Variants in PLCZ1 observed in about 807,000 individuals in gnomAD.
PLCZ1 encodes 1-phosphatidylinositol 4,5-bisphosphate phosphodiesterase zeta-1.
Under a neutral mutation model 76.8 loss-of-function variants are expected in PLCZ1, and 64 were observed. The ratio of observed to expected loss-of-function variants is 0.83; its 90% CI spans 0.68 to 1.03. The LOEUF (loss-of-function observed/expected upper bound fraction) is 1.03. PLCZ1 is among the 50% of genes least tolerant of loss of function. The pLI is 0.00. For synonymous variants in PLCZ1, 248 were observed against 230.8 expected (o/e 1.07, Z -0.68); for missense variants, 751 against 713.7 (o/e 1.05, Z -0.60).
intron 10 of PLCZ1, among the ~76,000 whole-genome samples, chr12:18,699,564 C>T (rs77905172): frequency 6.6e-6 from 1 of 152,012 alleles, no homozygotes; most frequent in African/African-American, 2.4e-5. Context: ...GTGGCCACAT[C>T]GGACATTCTC....
At chr12:18,678,196 TAG>T (rs1422553643), downstream of PLCZ1, among the ~76,000 whole-genome samples, 2 of 152,060 alleles carry the variant, frequency 1.3e-5, no homozygotes, top group African/African-American at 4.8e-5. Flanking sequence ...CTGATCCAAT[TAG>T]AGGTCTGGCT....
chr12:18,720,125 C>T (rs1958354323), intron 4 of PLCZ1, among the ~76,000 whole-genome samples: 1 of 151,960 alleles, frequency 6.6e-6, no homozygotes, highest in South Asian at 2.1e-4. Context: ...TTTTTTGTAC[C>T]TGGTTTCTTT....
chr12:18,734,453 C>A (rs1359103697), intron 3 of PLCZ1, among the ~76,000 whole-genome samples: 1 of 152,096 alleles, frequency 6.6e-6, no homozygotes, highest in East Asian at 1.9e-4. Flanking sequence ...CAGGTTCAAG[C>A]AATTCTCGTG....
chr12:18,719,635 A>G lies in PLCZ1; in HGVS notation c.368-3T>C. ...TGACATTTGGTGTGCTTTCCTAACT[A>G]AAAAAATAAAATAAAATAAGTTAAA... On this transcript the variant is annotated splice_polypyrimidine_tract_variant and splice_region_variant and intron_variant, in intron 4 of 14. Coordinates refer to ENST00000266505, the MANE Select transcript of PLCZ1 (RefSeq NM_033123.4). 2 of 1,571,662 alleles carry G rather than the reference A, an allele frequency of 1.3e-6. No individual in the cohort carries two copies. The highest frequency in any genetic ancestry group is 1.7e-6 in the Non-Finnish European group (2 of 1,153,276).
At chr12:18,670,995 T>C in the PLCZ1 span, among the ~76,000 whole-genome samples, 6 of 151,972 alleles carry the variant, frequency 3.9e-5, no homozygotes, top group Non-Finnish European at 5.9e-5. Flanking sequence ...CTGGACAACA[T>C]GGTGAAACCC....
At chr12:18,648,332 T>G in the PLCZ1 span, 1 of 231,698 alleles carries the variant, frequency 4.3e-6, no homozygotes, top group Admixed American at 5.6e-5. Flanking sequence ...TACATTTGTT[T>G]TAATTGTGTG....
the PLCZ1 span, among the ~76,000 whole-genome samples, chr12:18,669,110 C>A: frequency 6.6e-6 from 1 of 152,128 alleles, no homozygotes; most frequent in African/African-American, 2.4e-5. Flanking sequence ...TCTTTATAAA[C>A]AACAGTTCAT....
chr12:18,709,750 G>A (rs1005209709), intron 6 of PLCZ1, among the ~76,000 whole-genome samples: 1 of 151,968 alleles, frequency 6.6e-6, no homozygotes, highest in African/African-American at 2.4e-5. Context: ...GCTTTAGACA[G>A]CATGAACATT....
intron 3 of PLCZ1, among the ~76,000 whole-genome samples, chr12:18,727,844 A>G (rs1161182818): frequency 6.6e-6 from 1 of 152,180 alleles, no homozygotes; most frequent in Non-Finnish European, 1.5e-5. Flanking sequence ...ATATGAGTCA[A>G]CTTGGGACTT....
At chr12:18,696,062 A>C in intron 11 of PLCZ1, 88 bp downstream of exon 11, 1 of 705,908 alleles carries the variant, frequency 1.4e-6, no homozygotes, top group Non-Finnish European at 2.4e-6. Context: ...TTTTACAGAA[A>C]GCCCTTTTCA....
the PLCZ1 span, among the ~76,000 whole-genome samples, chr12:18,677,333 A>G: frequency 1.3e-5 from 2 of 152,138 alleles, no homozygotes; most frequent in Non-Finnish European, 2.9e-5. Context: ...AGGCTGAATC[A>G]GCACCGTGCA....
chr12:18,655,940 G>A, the PLCZ1 span, among the ~76,000 whole-genome samples: 5 of 151,984 alleles, frequency 3.3e-5, no homozygotes, highest in South Asian at 1.0e-3. Context: ...ATCCTGAAAC[G>A]GAAAAACTAA....
At chr12:18,650,329 C>CTATATATA in the PLCZ1 span, among the ~76,000 whole-genome samples, 6 of 82,442 alleles carry the variant, frequency 7.3e-5, no homozygotes, top group African/African-American at 2.4e-4. Flanking sequence ...CTCTCTCTCT[C>CTATATATA]TCTATATATA....
chr12:18,681,542 T>C (rs1179891410), downstream of PLCZ1, among the ~76,000 whole-genome samples: 1 of 152,060 alleles, frequency 6.6e-6, no homozygotes, highest in Non-Finnish European at 1.5e-5. Context: ...ATAGTTCTTG[T>C]GAGAAAATTC....
chr12:18,694,745 T>A (rs1468060417), intron 12 of PLCZ1, among the ~76,000 whole-genome samples, 165 bp downstream of exon 12: 3 of 152,124 alleles, frequency 2.0e-5, no homozygotes, highest in Non-Finnish European at 2.9e-5. Flanking sequence ...GAAGACATTT[T>A]TCAGATATAG....
At chr12:18,732,452 C>T (rs990157620) in intron 3 of PLCZ1, among the ~76,000 whole-genome samples, 7 of 152,086 alleles carry the variant, frequency 4.6e-5, no homozygotes, top group Non-Finnish European at 1.0e-4. Flanking sequence ...ACGCCTGGAC[C>T]CTCTTTATAA....
the PLCZ1 span, among the ~76,000 whole-genome samples, chr12:18,651,721 C>G: frequency 6.6e-6 from 1 of 152,182 alleles, no homozygotes; most frequent in Non-Finnish European, 1.5e-5. Context: ...AAGTCAGACT[C>G]ACCACCAATG....
intron 12 of PLCZ1, chr12:18,693,510 C>A (rs1325482550): frequency 1.2e-6 from 2 of 1,610,978 alleles, no homozygotes; most frequent in African/African-American, 2.7e-5. Context: ...CAAACCTCAG[C>A]CACTTTCTTG....
chr12:18,676,197 A>G, the PLCZ1 span, among the ~76,000 whole-genome samples: 1 of 152,132 alleles, frequency 6.6e-6, no homozygotes, highest in Non-Finnish European at 1.5e-5. Context: ...AAAACAAGAG[A>G]AAGAAACCAG....
Sources: gnomAD v4.1 joint callset for allele counts (sites outside exome capture counted in the v4.1 genomes callset) on GRCh38, gnomAD v4.1.1 for gene constraint, MANE v1.5 for transcripts, NCBI Gene and HGNC (gene_info 2026-07-23, HGNC 2026-07-21) for gene names.